The following SACS variants were observed in gnomAD, a reference collection of about 807,000 sequenced individuals.
SACS encodes the protein sacsin.
A neutral mutation model predicts 348.0 loss-of-function variants in SACS; 197 were observed. The ratio of observed to expected loss-of-function variants is 0.57; its 90% confidence interval spans 0.50 to 0.64. The LOEUF is 0.64. SACS is among the 30% of genes least tolerant of loss of function. The pLI is 0.00. For missense variants in SACS, 4,999 were observed against 5,360.8 expected (o/e 0.93, Z 2.11); for synonymous variants, 1,985 against 1,910.6 (o/e 1.04, Z -1.02).
In SACS at chr13:23,329,252, T is replaced by G. The variant is rs971366285; in HGVS notation, c.*884A>C. ...TACATGCCATATTGAAAGAAAAGGT[T>G]GTTTTTTTTTTAACTGCAGCACCTT... is the stretch of plus-strand genomic sequence containing the variant. On this transcript the variant is annotated 3_prime_UTR_variant, in exon 10 of 10. Coordinates refer to ENST00000382292, the MANE Select transcript of SACS (RefSeq NM_014363.6). The G allele has an allele frequency of 1.9e-6, 1 of 518,410 alleles. No individual in the cohort carries two copies. Among genetic ancestry groups the G allele is most frequent in the Non-Finnish European group, 3.4e-6 (1 of 294,634 alleles). 32.1% of individuals were successfully genotyped at this position (518,410 alleles called of 1,614,324 possible).
At chr13:23,379,195 C>T (rs1389740020) in intron 2 of SACS, among the ~76,000 whole-genome samples, 2 of 152,202 alleles carry the variant, frequency 1.3e-5, no homozygotes, top group African/African-American at 4.8e-5. Flanking sequence ...CTCTTTCTCA[C>T]CTGTACAGCT....
intron 4 of SACS, among the ~76,000 whole-genome samples, chr13:23,369,389 T>C (rs1045058058): frequency 7.9e-5 from 12 of 152,172 alleles, no homozygotes; most frequent in Admixed American, 6.5e-4. Context: ...ATGCCTCAAA[T>C]ACACAGCATT....
At chr13:23,371,572 G>T (rs1306822341) in intron 3 of SACS, among the ~76,000 whole-genome samples, 2 of 152,078 alleles carry the variant, frequency 1.3e-5, no homozygotes, top group Non-Finnish European at 2.9e-5. Flanking sequence ...TAGTTTAGAT[G>T]AATAATAATA....
In SACS at chr13:23,375,164, A is replaced by G; in HGVS notation, c.126T>C (p.Thr42=). ...RDVKERIFAE[T]GFPVSEQRLW... ...GCCGCTGCTCCGACACCGGGAAGCC[A>G]GTCTCCGCGAAGATACGTTCCTTCA... The change falls in exon 3 of 10, where the codon ACT becomes ACC. Residue 42 remains threonine, a synonymous_variant. Coordinates refer to ENST00000382292, the MANE Select transcript of SACS (RefSeq NM_014363.6). 6.6e-7 allele frequency: 1 copy of G among 1,504,872 alleles called. No individual in the cohort carries two copies. Among genetic ancestry groups the G allele is most frequent in the Admixed American group, 2.2e-5 (1 of 44,978 alleles). The allele number at this position is 1,504,872 out of a possible 1,614,324, so 93.2% of individuals were successfully genotyped here.
chr13:23,389,061 T>C (rs535747382), intron 2 of SACS, among the ~76,000 whole-genome samples: 61 of 152,126 alleles, frequency 4.0e-4, no homozygotes, highest in Non-Finnish European at 7.8e-4. Flanking sequence ...TATATATTTA[T>C]TAATAAGATT....
intron 2 of SACS, among the ~76,000 whole-genome samples, chr13:23,388,525 G>C (rs983823222): frequency 2.7e-5 from 4 of 146,086 alleles, no homozygotes; most frequent in Non-Finnish European, 6.0e-5. Flanking sequence ...ACATACCACA[G>C]GCTACTACTC....
chr13:23,352,368 T>TAGTTAA (rs1870016361), intron 9 of SACS, among the ~76,000 whole-genome samples: 1 of 152,216 alleles, frequency 6.6e-6, no homozygotes, highest in Admixed American at 6.5e-5. Context: ...GCTCCTTCTA[T>TAGTTAA]ACAAAGCATG....
chr13:23,366,130 C>G (rs550598874), intron 5 of SACS, among the ~76,000 whole-genome samples: 1 of 152,314 alleles, frequency 6.6e-6, no homozygotes, highest in East Asian at 1.9e-4. Flanking sequence ...GCCTTGGGAT[C>G]ACTAAATTGG....
intron 2 of SACS, among the ~76,000 whole-genome samples, chr13:23,387,576 G>A (rs1403685869): frequency 6.6e-6 from 1 of 151,958 alleles, no homozygotes; most frequent in Non-Finnish European, 1.5e-5. Context: ...GAGATAAGCT[G>A]GTCCCCTGGT....
At chr13:23,430,996 C>T (rs1423292281) in intron 1 of SACS, among the ~76,000 whole-genome samples, 26 of 152,072 alleles carry the variant, frequency 1.7e-4, no homozygotes, top group African/African-American at 9.7e-5. Flanking sequence ...CCAAGGGAAT[C>T]GAGTCTTACC....
chr13:23,353,967 C>T (rs977989470), intron 8 of SACS, 91 bp from the exon 9 acceptor site: 54 of 803,408 alleles, frequency 6.7e-5, no homozygotes, highest in Middle Eastern at 4.5e-4. Flanking sequence ...TCAGTTAAGC[C>T]GACTATTTTA....
chr13:23,341,731 C>A (rs756241269), intron 9 of SACS, 41 bp from the exon 10 acceptor site: 1 of 1,442,098 alleles, frequency 6.9e-7, no homozygotes, highest in Non-Finnish European at 9.6e-7. Flanking sequence ...ACATATAATT[C>A]TACTACAACA....
Position 23,333,823 on chromosome 13 carries a change from G to C in SACS, c.10053C>G (p.His3351Gln), listed in dbSNP as rs756712199. The C allele has an allele frequency of 1.2e-6, 2 of 1,613,848 alleles. No individual in the cohort carries two copies. Among genetic ancestry groups the C allele is most frequent in the Admixed American group, 1.7e-5 (1 of 60,006 alleles). The change falls in exon 10 of 10, where the codon CAC becomes CAG. Residue 3351 changes from histidine to glutamine, a missense_variant. His to Gln is a conservative substitution (Grantham distance 24, BLOSUM62 0). Coordinates refer to ENST00000382292, the MANE Select transcript of SACS (RefSeq NM_014363.6). ...DSAFVPLLSC[H>Q]TANIESPTSI... ...TTGTGGGGCTCTCTATATTTGCTGT[G>C]TGACATGACAACAAAGGAACAAATG...
At chr13:23,352,587 T>G (rs555475869) in intron 9 of SACS, among the ~76,000 whole-genome samples, 24 of 152,258 alleles carry the variant, frequency 1.6e-4, no homozygotes, top group African/African-American at 5.5e-4. Context: ...TGTGCACTGT[T>G]CTATATGCAT....
intron 9 of SACS, among the ~76,000 whole-genome samples, chr13:23,351,086 T>C (rs186587276): frequency 6.6e-6 from 1 of 152,296 alleles, no homozygotes; most frequent in Admixed American, 6.5e-5. Context: ...ATCTGCTCAA[T>C]CCCTCTGCTA....
chr13:23,402,867 C>A (rs570749858), intron 2 of SACS, among the ~76,000 whole-genome samples: 2 of 152,230 alleles, frequency 1.3e-5, no homozygotes, highest in East Asian at 1.9e-4. Flanking sequence ...GGCTTCCTAA[C>A]CTGCAGATGC....
Position 23,341,589 on chromosome 13 carries a change from G to T in SACS, c.2287C>A (p.Gln763Lys). ...TFWPGRELIV[Q>K]WYPFDENRNH... ...CTGTTTTCATCAAATGGATACCATT[G>T]AACAATCAATTCTCTGCCAGGCCAG... Residue 763 changes from glutamine (Q) to lysine (K), a missense_variant, in exon 10 of 10, where the codon CAA (glutamine) becomes AAA (lysine). Gln to Lys is a moderately conservative substitution (Grantham distance 53). This residue lies in a region of SACS where 3,156 missense variants were observed against 3,380.1 expected (regional missense o/e 0.93). Transcript: ENST00000382292. 1 of 1,613,906 alleles carries T rather than the reference G, an allele frequency of 6.2e-7. No homozygotes were observed. Among genetic ancestry groups the T allele is most frequent in the Non-Finnish European group, 8.5e-7 (1 of 1,179,958 alleles).
chr13:23,425,382 A>G (rs1328063696), intron 1 of SACS, among the ~76,000 whole-genome samples: 2 of 152,078 alleles, frequency 1.3e-5, no homozygotes, highest in African/African-American at 2.4e-5. Context: ...CCTGGGGCCT[A>G]TGTGCCAAAC....
intron 2 of SACS, among the ~76,000 whole-genome samples, chr13:23,386,124 T>A (rs1043263519): frequency 6.6e-6 from 1 of 152,192 alleles, no homozygotes; most frequent in African/African-American, 2.4e-5. Flanking sequence ...GAACTTGGCT[T>A]CAACTTAGTC....
Sources: allele counts gnomAD v4.1 joint callset (sites outside exome capture counted in the v4.1 genomes callset), GRCh38; gene constraint gnomAD v4.1.1; regional missense constraint gnomAD v4.1.1; transcripts MANE v1.5; gene names NCBI Gene and HGNC (gene_info 2026-07-23, HGNC 2026-07-21).